Variants in HDAC4 observed in about 807,000 individuals in gnomAD.
HDAC4 encodes histone deacetylase A.
HDAC4 carries 16 observed loss-of-function variants against 135.1 expected under a neutral mutation model. The ratio of observed to expected loss-of-function variants is 0.12; its 90% CI spans 0.08 to 0.18. The LOEUF is 0.18. HDAC4 is among the 10% of genes least tolerant of loss of function. The pLI is 1.00. For missense variants in HDAC4, 1,143 were observed against 1,511.8 expected, an observed-to-expected ratio of 0.76 and a Z score of 4.05; for synonymous variants, 685 against 653.4, an observed-to-expected ratio of 1.05 and a Z score of -0.74.
intron 6 of HDAC4, among the ~76,000 whole-genome samples, 197 bp downstream of exon 6, chr2:239,163,606 G>A (rs1392839036): frequency 2.0e-5 from 3 of 152,112 alleles, no homozygotes; most frequent in Admixed American, 1.3e-4. Flanking sequence ...GGGCCCCTCC[G>A]TGAGGACGGC....
At chr2:239,190,174 CGGGGG>C in intron 3 of HDAC4, 97 bp from the exon 4 acceptor site, 3 of 1,070,280 alleles carry the variant, frequency 2.8e-6, no homozygotes, top group Non-Finnish European at 3.7e-6. Flanking sequence ...CTTCACGGGG[CGGGGG>C]GGGGGTTGTG....
intron 7 of HDAC4, among the ~76,000 whole-genome samples, chr2:239,153,310 T>C (rs1255684310): frequency 6.6e-6 from 1 of 152,260 alleles, no homozygotes; most frequent in Admixed American, 6.5e-5. Flanking sequence ...GGGCAAACTG[T>C]GTGCCGGGTC....
chr2:239,228,019 A>C (rs1291882649), intron 3 of HDAC4, among the ~76,000 whole-genome samples: 2 of 152,144 alleles, frequency 1.3e-5, no homozygotes, highest in Non-Finnish European at 2.9e-5. Context: ...AGTTGCTCCT[A>C]GGGACATTGC....
intron 7 of HDAC4, among the ~76,000 whole-genome samples, chr2:239,151,519 G>C (rs1174632601): frequency 6.6e-6 from 1 of 151,986 alleles, no homozygotes; most frequent in Non-Finnish European, 1.5e-5. Flanking sequence ...CCCCAGGTGA[G>C]GAGGGCAGAG....
At chr2:239,270,642 G>A (rs1263206179) in intron 2 of HDAC4, among the ~76,000 whole-genome samples, 1 of 152,192 alleles carries the variant, frequency 6.6e-6, no homozygotes, top group Non-Finnish European at 1.5e-5. Context: ...ACAAAGATGT[G>A]CTACTTGCAT....
chr2:239,235,986 G>A (rs2047864850), intron 3 of HDAC4, among the ~76,000 whole-genome samples: 1 of 152,206 alleles, frequency 6.6e-6, no homozygotes, highest in South Asian at 2.1e-4. Context: ...GTTGCAGTGA[G>A]CCAAGATTAC....
At chr2:239,215,364 C>T (rs941359397) in intron 3 of HDAC4, among the ~76,000 whole-genome samples, 2 of 152,186 alleles carry the variant, frequency 1.3e-5, no homozygotes, top group African/African-American at 2.4e-5. Context: ...ACTGGTGACA[C>T]GAAACCAGGG....
chr2:239,134,690 C>T (rs1385040191), intron 9 of HDAC4, 47 bp from the exon 10 acceptor site: 2 of 1,400,822 alleles, frequency 1.4e-6, no homozygotes, highest in Non-Finnish European at 2.0e-6. Flanking sequence ...CACGGCCAAA[C>T]ATCAGCAATA....
At chr2:239,200,699 GA>G (rs1359695618) in intron 3 of HDAC4, among the ~76,000 whole-genome samples, 3 of 152,230 alleles carry the variant, frequency 2.0e-5, no homozygotes, top group Non-Finnish European at 2.9e-5. Flanking sequence ...GCAAAGAGAA[GA>G]TACAGTGGTA....
intron 7 of HDAC4, among the ~76,000 whole-genome samples, chr2:239,155,773 C>T (rs2042387119): frequency 6.6e-6 from 1 of 152,156 alleles, no homozygotes; most frequent in African/African-American, 2.4e-5. Flanking sequence ...TCTCCAAGAG[C>T]CGCCCCCTAG....
At position 239,400,882 on chromosome 2, in the gene HDAC4, C is replaced by G. The variant is rs1377881245; in HGVS notation, c.-220+96G>C. The G allele has an allele frequency of 6.8e-6, 1 of 146,672 alleles. No homozygotes were observed. Among genetic ancestry groups the G allele is most frequent in the Non-Finnish European group, 1.5e-5 (1 of 65,780 alleles). The allele number at this position is 146,672 out of a possible 1,614,324, so 9.1% of individuals were successfully genotyped here. On this transcript the variant is annotated intron_variant, in intron 1 of 26. Coordinates refer to ENST00000543185, the MANE Select transcript of HDAC4 (RefSeq NM_001378414.1). This position sits in a 1 kb window ranked among gnomAD's most constrained non-coding sequence, Gnocchi z 4.7. ...GCGGCGGCGGCGGCGCGGGCGGGTG[C>G]GCGGGCTCGGGCTCGGGCTCGGGCG...
Position 239,349,886 on chromosome 2 carries a change from C to A in HDAC4, c.22+2792G>T, listed in dbSNP as rs1041040058. On this transcript the variant is annotated intron_variant, in intron 2 of 26. Transcript: ENST00000543185. The surrounding 1 kb of genome is among the most constrained non-coding windows in gnomAD (Gnocchi z 5.7). ...AGGGGCAGCCCTGCCCTCACCAGTGCGGCCTGTCTTCAGCCTCCAACCCAC... is the reference window on the plus strand; with the variant it reads ...AGGGGCAGCCCTGCCCTCACCAGTGAGGCCTGTCTTCAGCCTCCAACCCAC... 1.3e-5 allele frequency among the ~76,000 whole-genome samples: 2 copies of A among 152,214 alleles called. No individual in the cohort carries two copies. The highest frequency in any genetic ancestry group is 2.9e-5 in the Non-Finnish European group (2 of 68,040).
chr2:239,396,679 G>A (rs1372498316), intron 1 of HDAC4, among the ~76,000 whole-genome samples: 1 of 152,132 alleles, frequency 6.6e-6, no homozygotes, highest in Non-Finnish European at 1.5e-5. Flanking sequence ...TTTCTCTCTC[G>A]TCTCTTAGCC....
rs1258268860 is a variant in HDAC4, at chr2:239,240,092, CA to C, written c.23-3429del. 6.6e-6 allele frequency among the ~76,000 whole-genome samples: 1 copy of C among 152,272 alleles called. No individual in the cohort carries two copies. Among genetic ancestry groups the C allele is most frequent in the African/African-American group, 2.4e-5 (1 of 41,478 alleles). ...AAAGGCTGGGGCTCAGGGCAGCAGCCATGATCGAGAAGCCAAACACTAAAGG... is the reference window on the plus strand; with the variant it reads ...AAAGGCTGGGGCTCAGGGCAGCAGCCTGATCGAGAAGCCAAACACTAAAGG... On this transcript the variant is annotated intron_variant, in intron 2 of 26. Transcript: ENST00000543185. The surrounding 1 kb of genome is among the most constrained non-coding windows in gnomAD (Gnocchi z 4.5).
chr2:239,073,234 A>G (rs1426390780), intron 22 of HDAC4, among the ~76,000 whole-genome samples: 1 of 152,222 alleles, frequency 6.6e-6, no homozygotes, highest in Non-Finnish European at 1.5e-5. Flanking sequence ...TTTTCTGAAG[A>G]GAGCCAGTCC....
intron 3 of HDAC4, among the ~76,000 whole-genome samples, chr2:239,201,921 A>G (rs1158479462): frequency 6.6e-6 from 1 of 152,236 alleles, no homozygotes. Context: ...TACTGGCAGA[A>G]AAAAAGTCTA....
At chr2:239,268,567 T>C (rs1353298019) in intron 2 of HDAC4, among the ~76,000 whole-genome samples, 1 of 152,244 alleles carries the variant, frequency 6.6e-6, no homozygotes, top group Non-Finnish European at 1.5e-5. Context: ...ACAATCGGTT[T>C]GGTGCTCATG....
At chr2:239,335,524 A>C (rs1466898915) in intron 2 of HDAC4, among the ~76,000 whole-genome samples, 5 of 151,168 alleles carry the variant, frequency 3.3e-5, no homozygotes, top group Admixed American at 6.6e-5. Context: ...AAAAAAAAAA[A>C]AAAAAACACC....
At chr2:239,059,104 AAAG>A (rs1218684404) in intron 24 of HDAC4, among the ~76,000 whole-genome samples, 1 of 152,264 alleles carries the variant, frequency 6.6e-6, no homozygotes. Flanking sequence ...CTCATGGCTC[AAAG>A]AAGAAATCAT....
Sources: allele counts gnomAD v4.1 joint callset (sites outside exome capture counted in the v4.1 genomes callset), GRCh38; gene constraint gnomAD v4.1.1; non-coding constraint Gnocchi (gnomAD v3.1); transcripts MANE v1.5; gene names NCBI Gene and HGNC (gene_info 2026-07-23, HGNC 2026-07-21).